Variants in NCOA1 observed in about 807,000 individuals in gnomAD.
The protein encoded by NCOA1 is Hin-2 protein.
NCOA1 carries 35 observed loss-of-function variants against 150.9 expected under a neutral mutation model. That is an observed-to-expected ratio of 0.23 (90% confidence interval 0.18 to 0.31). The LOEUF is 0.31. Ranked by LOEUF, NCOA1 falls within the 10% of genes least tolerant of loss-of-function variation. NCOA1 has a pLI of 1.00. For missense variants in NCOA1, 1,491 were observed against 1,749.3 expected, an observed-to-expected ratio of 0.85 and a Z score of 2.63; for synonymous variants, 590 against 630.0, an observed-to-expected ratio of 0.94 and a Z score of 0.95.
chr2:24,728,937 G>A (rs1259229806), intron 16 of NCOA1, among the ~76,000 whole-genome samples: 2 of 152,198 alleles, frequency 1.3e-5, no homozygotes, highest in Non-Finnish European at 2.9e-5. Flanking sequence ...ATAAAAAGAA[G>A]TCATGTTTTG....
At chr2:24,606,626 C>A (rs905455434) in intron 3 of NCOA1, among the ~76,000 whole-genome samples, 1 of 152,166 alleles carries the variant, frequency 6.6e-6, no homozygotes, top group Non-Finnish European at 1.5e-5. Flanking sequence ...TCATCACTTT[C>A]TTCAGTTTGA....
intron 3 of NCOA1, among the ~76,000 whole-genome samples, chr2:24,606,457 G>A (rs1237593391): frequency 6.6e-6 from 1 of 152,048 alleles, no homozygotes; most frequent in African/African-American, 2.4e-5. Context: ...GGCTGGTCTC[G>A]AACTCCTGAC....
intron 3 of NCOA1, among the ~76,000 whole-genome samples, chr2:24,631,454 C>A (rs975357224): frequency 6.6e-6 from 1 of 152,122 alleles, no homozygotes; most frequent in Non-Finnish European, 1.5e-5. Flanking sequence ...TTTTTGATAA[C>A]AAATTTTCAT....
chr2:24,748,342 T>C (rs1664043347), intron 19 of NCOA1, among the ~76,000 whole-genome samples: 1 of 152,164 alleles, frequency 6.6e-6, no homozygotes, highest in South Asian at 2.1e-4. Flanking sequence ...CCGGGCGTGG[T>C]GGCTCACGCC....
chr2:24,684,138 ATACT>A (rs1256166332), intron 8 of NCOA1, among the ~76,000 whole-genome samples: 1 of 152,186 alleles, frequency 6.6e-6, no homozygotes, highest in African/African-American at 2.4e-5. Context: ...ACTATAGGTA[ATACT>A]TAATTAAGAT....
chr2:24,686,185 A>G (rs750592458), intron 8 of NCOA1, among the ~76,000 whole-genome samples: 8 of 151,990 alleles, frequency 5.3e-5, no homozygotes, highest in African/African-American at 1.9e-4. Flanking sequence ...TATTTTTAGT[A>G]GAGACAGGGG....
At chr2:24,578,814 A>T (rs999419530) in intron 2 of NCOA1, among the ~76,000 whole-genome samples, 4 of 152,200 alleles carry the variant, frequency 2.6e-5, no homozygotes, top group African/African-American at 9.6e-5. Flanking sequence ...AAAAAGCTAT[A>T]TTAGAGCTGC....
At chr2:24,563,710 GT>G (rs1401521597) in intron 1 of NCOA1, among the ~76,000 whole-genome samples, 7 of 152,110 alleles carry the variant, frequency 4.6e-5, no homozygotes, top group Admixed American at 2.0e-4. Flanking sequence ...TAGAAACAGA[GT>G]TTTGTCATGT....
intron 1 of NCOA1, among the ~76,000 whole-genome samples, chr2:24,547,818 C>G (rs1298417527): frequency 2.0e-5 from 3 of 151,840 alleles, no homozygotes; most frequent in African/African-American, 7.3e-5. Flanking sequence ...GAAACCCTGT[C>G]TCTACTAAAA....
chr2:24,606,709 C>A (rs914425540), intron 3 of NCOA1, among the ~76,000 whole-genome samples: 1 of 152,136 alleles, frequency 6.6e-6, no homozygotes, highest in Non-Finnish European at 1.5e-5. Context: ...ATGAGTATTT[C>A]AGATACTCCC....
At chr2:24,547,717 A>G (rs1262200105) in intron 1 of NCOA1, among the ~76,000 whole-genome samples, 3 of 151,902 alleles carry the variant, frequency 2.0e-5, no homozygotes, top group Non-Finnish European at 4.4e-5. Context: ...AGCCAGGTGC[A>G]ATGGCTCATG....
At chr2:24,511,666 G>A (rs974864300) in intron 1 of NCOA1, among the ~76,000 whole-genome samples, 2 of 151,538 alleles carry the variant, frequency 1.3e-5, no homozygotes, top group African/African-American at 4.9e-5. Flanking sequence ...CTCCCATCCT[G>A]TAGTTTGTCT....
At chr2:24,650,154 G>A (rs2148475625) in intron 4 of NCOA1, among the ~76,000 whole-genome samples, 1 of 152,228 alleles carries the variant, frequency 6.6e-6, no homozygotes, top group South Asian at 2.1e-4. Flanking sequence ...GCTTAGGGGA[G>A]CAGGGTCTCT....
intron 4 of NCOA1, among the ~76,000 whole-genome samples, chr2:24,656,496 T>C (rs1345144380): frequency 6.6e-6 from 1 of 152,114 alleles, no homozygotes; most frequent in African/African-American, 2.4e-5. Flanking sequence ...AATCTACTCT[T>C]TTTGCTATTC....
At chr2:24,594,512 A>T (rs1481002713) in intron 3 of NCOA1, among the ~76,000 whole-genome samples, 1 of 152,154 alleles carries the variant, frequency 6.6e-6, no homozygotes, top group Non-Finnish European at 1.5e-5. Context: ...TCTTTAGACA[A>T]GAGAAATCCT....
chr2:24,576,170 G>GTTTTTGTTTTTTTTT (rs1666967476), intron 2 of NCOA1, among the ~76,000 whole-genome samples: 47 of 46,250 alleles, frequency 1.0e-3, no homozygotes, highest in African/African-American at 2.9e-3. Flanking sequence ...TTTGTTTTTT[G>GTTTTTGTTTTTTTTT]TTTTTTTTTT....
intron 1 of NCOA1, among the ~76,000 whole-genome samples, chr2:24,493,575 A>G (rs1490411624): frequency 6.6e-6 from 1 of 151,648 alleles, no homozygotes; most frequent in Non-Finnish European, 1.5e-5. Context: ...CCAAGAGAGT[A>G]TTTTAGATCT....
chr2:24,709,283 T>A (rs539523689), intron 13 of NCOA1, among the ~76,000 whole-genome samples: 3 of 152,232 alleles, frequency 2.0e-5, no homozygotes, highest in Non-Finnish European at 4.4e-5. Flanking sequence ...TAATAAGATA[T>A]GCATATGTCC....
chr2:24,522,492 T>C (rs1334347519), intron 1 of NCOA1, among the ~76,000 whole-genome samples: 1 of 152,118 alleles, frequency 6.6e-6, no homozygotes, highest in Non-Finnish European at 1.5e-5. Context: ...ATTATAATGG[T>C]ATCTGATAAG....
Sources: allele counts gnomAD v4.1 joint callset (sites outside exome capture counted in the v4.1 genomes callset), GRCh38; gene constraint gnomAD v4.1.1; transcripts MANE v1.5; gene names NCBI Gene and HGNC (gene_info 2026-07-23, HGNC 2026-07-21).